The following PHACTR2 variants were observed in gnomAD, a reference collection of about 807,000 sequenced individuals.
PHACTR2 encodes the protein chromosome 6 open reading frame 56.
A neutral mutation model predicts 76.0 loss-of-function variants in PHACTR2; 30 were observed. The ratio of observed to expected loss-of-function variants is 0.39; its 90% CI spans 0.30 to 0.54. The LOEUF is 0.54. PHACTR2 is among the 20% of genes least tolerant of loss of function. PHACTR2 has a pLI of 0.61. For synonymous variants in PHACTR2, 292 were observed against 292.5 expected, an observed-to-expected ratio of 1.00 and a Z score of 0.02; for missense variants, 696 against 781.1, an observed-to-expected ratio of 0.89 and a Z score of 1.30.
Position 143,544,946 on chromosome 6 carries a change from G to GT in PHACTR2, c.217+7751dup, listed in dbSNP as rs150283208. ...AATTTAAAAATAATGAGAGATTTTT[G>GT]TTTTTTTTTTTTCTTTGAGACAGGT... On this transcript the variant is annotated intron_variant, in intron 1 of 11. Coordinates refer to the PHACTR2 transcript ENST00000367584. Among the ~76,000 whole-genome samples the GT allele has an allele frequency of 1.7e-3, 248 of 146,452 alleles. 1 individual carries two copies. Among genetic ancestry groups the GT allele is most frequent in the African/African-American group, 3.5e-3 (138 of 39,828 alleles).
In PHACTR2 at chr6:143,760,473, C is replaced by T; in HGVS notation, c.527C>T (p.Pro176Leu). 1 of 1,613,862 alleles carries T rather than the reference C, an allele frequency of 6.2e-7. No homozygotes were observed. Among genetic ancestry groups the T allele is most frequent in the Non-Finnish European group, 8.5e-7 (1 of 1,179,780 alleles). The change falls in exon 5 of 13, where the codon CCC (proline) becomes CTC (leucine). Residue 176 changes from proline (P) to leucine (L), a missense_variant. Pro to Leu is a moderately conservative substitution (Grantham distance 98). Coordinates refer to ENST00000440869, the MANE Select transcript of PHACTR2 (RefSeq NM_001100164.2). The surrounding 1 kb of genome is among the most constrained non-coding windows in gnomAD (Gnocchi z 6.4). ...LPPSAPPKPRPKPKPKKSPVP... is the reference protein window; with the variant it reads ...LPPSAPPKPRLKPKPKKSPVP... ...CCTTCTGCTCCTCCTAAGCCTAGAC[C>T]CAAACCTAAACCCAAAAAATCACCT... is the stretch of plus-strand genomic sequence containing the variant.
At chr6:143,763,606 T>C (rs771233645) in intron 5 of PHACTR2, among the ~76,000 whole-genome samples, 1 of 152,222 alleles carries the variant, frequency 6.6e-6, no homozygotes, top group African/African-American at 2.4e-5. Context: ...AGAAGAATTC[T>C]AGTTATGTAT....
rs1389941161 is a variant in PHACTR2 at position 143,647,631 on chromosome 6, G to A, written c.13+39309G>A. On this transcript the variant is annotated intron_variant, in intron 1 of 11. Transcript: ENST00000305766. This position sits in a 1 kb window ranked among gnomAD's most constrained non-coding sequence, Gnocchi z 4.2. ...GAATCATGGGGTTTTGACTTTACGC[G>A]GGAGTCAGGGAAGGCCTCCGTGAGG... Among the ~76,000 whole-genome samples the A allele has an allele frequency of 1.3e-5, 2 of 152,218 alleles. No individual in the cohort carries two copies. The highest frequency in any genetic ancestry group is 6.5e-5 in the Admixed American group (1 of 15,288).
chr6:143,577,063 T>G (rs12191837), intron 1 of PHACTR2, among the ~76,000 whole-genome samples: 92,857 of 151,566 alleles, frequency 0.61, 28,755 homozygotes, highest in Middle Eastern at 0.72. Context: ...TGGGGGTTGT[T>G]ATTTACCCTT....
chr6:143,609,191 ACATTCTACACTAC>A (rs1395829513), intron 1 of PHACTR2, among the ~76,000 whole-genome samples: 12 of 152,322 alleles, frequency 7.9e-5, no homozygotes, highest in African/African-American at 2.9e-4. Flanking sequence ...CATTTAAAAC[ACATTCTACACTAC>A]AAGACCACCC....
chr6:143,596,230 T>C lies in PHACTR2; in HGVS notation c.217+59023T>C, dbSNP rs1476756308. Among the ~76,000 whole-genome samples the C allele has an allele frequency of 2.0e-5, 3 of 152,184 alleles. No homozygotes were observed. The East Asian group carries it at 5.8e-4, about 29-fold the overall frequency. On this transcript the variant is annotated intron_variant, in intron 1 of 11. Coordinates refer to the PHACTR2 transcript ENST00000367584. This position sits in a 1 kb window ranked among gnomAD's most constrained non-coding sequence, Gnocchi z 4.6. ...CTTTTGTTGTCCCCAGCAAGCCAGA[T>C]CTGTGAGTCCCTTTATTCCTCTAGG...
chr6:143,799,361 A>G (rs1294320151), intron 11 of PHACTR2, among the ~76,000 whole-genome samples: 2 of 152,166 alleles, frequency 1.3e-5, no homozygotes, highest in Admixed American at 6.5e-5. Context: ...GATTTTTTGA[A>G]GGGTTTTTTG....
rs1255258067 is a variant in PHACTR2 at position 143,791,719 on chromosome 6, T to C, written c.1845+2809T>C. Among the ~76,000 whole-genome samples, 15 of 152,142 alleles carry C rather than the reference T, an allele frequency of 9.9e-5. No homozygotes were observed. Among genetic ancestry groups the C allele is most frequent in the Admixed American group, 9.8e-4 (15 of 15,264 alleles). On this transcript the variant is annotated intron_variant, in intron 11 of 12. Transcript: ENST00000440869. The surrounding 1 kb of genome is among the most constrained non-coding windows in gnomAD (Gnocchi z 4.7). ...TTTTTTTTTTACTTCTCCTTATAAT[T>C]CTGTTAATTTTGCTTCATTTATTGT...
rs779925700 is a variant in PHACTR2, at chr6:143,787,555, G to C, written c.1708-1218G>C. 3.7e-4 allele frequency among the ~76,000 whole-genome samples: 56 copies of C among 152,332 alleles called. No homozygotes were observed. The highest frequency in any genetic ancestry group is 4.6e-4 in the Non-Finnish European group (31 of 68,030). On this transcript the variant is annotated intron_variant, in intron 10 of 12. Transcript: ENST00000440869. This position sits in a 1 kb window ranked among gnomAD's most constrained non-coding sequence, Gnocchi z 4.6. ...AATATTACAGTATTGGCTTAGTTCA[G>C]AAGGAAACTGAGGCCCAGGAAAGGG...
In PHACTR2 at chr6:143,830,136, T is replaced by C. The variant is rs1776632453; in HGVS notation, c.*6447T>C. On this transcript the variant is annotated 3_prime_UTR_variant, in exon 13 of 13. Transcript: ENST00000440869. ...TGATTCAAGGGTCAAACCACTTTCA[T>C]CCCTTAAAATATAGGGACTAATATT... 1 of 152,112 alleles carries C rather than the reference T, an allele frequency of 6.6e-6. No homozygotes were observed. Among genetic ancestry groups the C allele is most frequent in the Admixed American group, 6.5e-5 (1 of 15,276 alleles). The allele number at this position is 152,112 out of a possible 1,614,324, so 9.4% of individuals were successfully genotyped here.
Position 143,807,475 on chromosome 6 carries a change from A to C in PHACTR2, c.1922+342A>C, listed in dbSNP as rs924586850. On this transcript the variant is annotated intron_variant, in intron 12 of 12. Transcript: ENST00000440869. The surrounding 1 kb of genome is among the most constrained non-coding windows in gnomAD (Gnocchi z 5.5). The stretch of plus-strand genomic sequence containing the variant: ...TGCTGAATAAGAATTTCTAAAATTA[A>C]ATCTTTTCTTTCAAGGAAGTCTGAA... Among the ~76,000 whole-genome samples the C allele has an allele frequency of 4.6e-5, 7 of 152,224 alleles. No homozygotes were observed. The highest frequency in any genetic ancestry group is 1.7e-4 in the African/African-American group (7 of 41,464).
intron 1 of PHACTR2, among the ~76,000 whole-genome samples, chr6:143,702,495 C>T (rs963553989): frequency 2.6e-5 from 4 of 152,076 alleles, no homozygotes; most frequent in African/African-American, 7.2e-5. Flanking sequence ...CTATCATATG[C>T]CAATGGAGAC....
At chr6:143,690,184 A>G (rs1210022654) in intron 1 of PHACTR2, among the ~76,000 whole-genome samples, 2 of 152,148 alleles carry the variant, frequency 1.3e-5, no homozygotes, top group Non-Finnish European at 2.9e-5. Flanking sequence ...TTCTCTTGTT[A>G]TGTATTTAAC....
At chr6:143,690,215 C>T (rs1002600374) in intron 1 of PHACTR2, among the ~76,000 whole-genome samples, 4 of 152,176 alleles carry the variant, frequency 2.6e-5, no homozygotes, top group Non-Finnish European at 5.9e-5. Context: ...TCAATATGTT[C>T]AAATACTCGA....
At chr6:143,685,672 G>A (rs1368688467) in intron 1 of PHACTR2, among the ~76,000 whole-genome samples, 3 of 134,774 alleles carry the variant, frequency 2.2e-5, no homozygotes, top group Non-Finnish European at 4.6e-5. Flanking sequence ...ATGAAATAAG[G>A]TTTAAGCAAT....
Position 143,600,131 on chromosome 6 carries a change from C to T in PHACTR2, c.217+62924C>T, listed in dbSNP as rs900993625. Among the ~76,000 whole-genome samples, 5 of 152,246 alleles carry T rather than the reference C, an allele frequency of 3.3e-5. No homozygotes were observed. The South Asian group carries it at 8.3e-4, about 25-fold the overall frequency. ...GTCCGGCCGGCATGAGCCTGCCAGC[C>T]ACATCATTGGAGGGGAACTTGCTAT... On this transcript the variant is annotated intron_variant, in intron 1 of 11. Coordinates refer to the PHACTR2 transcript ENST00000367584.
chr6:143,655,098 G>C (rs189289277), intron 1 of PHACTR2, among the ~76,000 whole-genome samples: 1 of 150,584 alleles, frequency 6.6e-6, no homozygotes, highest in East Asian at 1.9e-4. Context: ...CGGAGGTTGC[G>C]GTGAGCCGAG....
chr6:143,637,859 T>C (rs1214427383), intron 1 of PHACTR2, among the ~76,000 whole-genome samples: 1 of 152,208 alleles, frequency 6.6e-6, no homozygotes, highest in Non-Finnish European at 1.5e-5. Context: ...AACATAGTCA[T>C]GGGAGTGACA....
chr6:143,631,117 T>C, intron 1 of PHACTR2, among the ~76,000 whole-genome samples: 1 of 152,246 alleles, frequency 6.6e-6, no homozygotes, highest in Admixed American at 6.5e-5. Context: ...TTATGTAGTA[T>C]CTAACATGCC....
Sources: allele counts gnomAD v4.1 joint callset (sites outside exome capture counted in the v4.1 genomes callset), GRCh38; gene constraint gnomAD v4.1.1; non-coding constraint Gnocchi (gnomAD v3.1); transcripts MANE v1.5; gene names NCBI Gene and HGNC (gene_info 2026-07-23, HGNC 2026-07-21).